GPR55: variants seen among roughly 807,000 people sequenced by gnomAD.
The protein encoded by GPR55 is G protein-coupled receptor 55.
In GPR55, 6 loss-of-function variants were observed where a neutral mutation model predicts 7.9. The ratio of observed to expected loss-of-function variants is 0.76; its 90% CI spans 0.41 to 1.49. The LOEUF (loss-of-function observed/expected upper bound fraction) is 1.49. GPR55 is among the 40% of genes most tolerant of loss of function. The pLI is 0.01. For missense variants in GPR55, 376 were observed against 406.0 expected (o/e 0.93, Z 0.63); for synonymous variants, 183 against 166.8 (o/e 1.10, Z -0.75).
intron 1 of GPR55, among the ~76,000 whole-genome samples, chr2:230,913,014 T>G (rs949843711): frequency 6.6e-6 from 1 of 152,212 alleles, no homozygotes; most frequent in African/African-American, 2.4e-5. Context: ...TCTTTAAAAT[T>G]TGGAAATAAT....
intron 1 of GPR55, among the ~76,000 whole-genome samples, chr2:230,938,034 C>T (rs1310363363): frequency 3.3e-5 from 5 of 151,252 alleles, no homozygotes; most frequent in Non-Finnish European, 7.4e-5. Flanking sequence ...GTGGTGTGCA[C>T]CTGTGGTCCC....
chr2:230,926,308 A>G (rs1407975170), upstream of GPR55, among the ~76,000 whole-genome samples: 2 of 152,178 alleles, frequency 1.3e-5, no homozygotes, highest in African/African-American at 2.4e-5. Context: ...GGCTTGTGCG[A>G]TGGGCAGTGC....
rs140388841 is a variant in GPR55, at chr2:230,945,815, G to A, written c.-135+14960C>T. Among the ~76,000 whole-genome samples, 586 of 152,232 alleles carry A rather than the reference G, an allele frequency of 3.8e-3. 2 individuals are homozygous for A. Among genetic ancestry groups the A allele is most frequent in the African/African-American group, 0.013 (552 of 41,536 alleles). ...TCTCGATCTACTGACCTCGTGATCC[G>A]TCCGCCTCGCCTCCCAAAGTGCTGG... On this transcript the variant is annotated intron_variant, in intron 1 of 1. Coordinates refer to the GPR55 transcript ENST00000392039.
At position 230,907,721 on chromosome 2, in the gene GPR55, G is replaced by C. The variant is rs1992188; in HGVS notation, c.*2282C>G. On this transcript the variant is annotated 3_prime_UTR_variant, in exon 2 of 2. Coordinates refer to ENST00000650999, the MANE Select transcript of GPR55 (RefSeq NM_005683.4). ...TCCCCGTCCCTCCCTACATGATCAG[G>C]TCCTCTCAGCTGTCTAGAGCCCTTT... 6.6e-6 allele frequency: 1 copy of C among 152,116 alleles called. No homozygotes were observed. The highest frequency in any genetic ancestry group is 1.9e-4 in the East Asian group (1 of 5,176). 9.4% of individuals were successfully genotyped at this position (152,116 alleles called of 1,614,324 possible). A position where few individuals can be genotyped will look rare whatever the true frequency, so the allele number is the denominator to read the frequency against.
intron 1 of GPR55, among the ~76,000 whole-genome samples, chr2:230,943,082 A>AGAGAAAGAGAGAGAGAGGG: frequency 7.3e-6 from 1 of 136,714 alleles, no homozygotes; most frequent in African/African-American, 2.6e-5. Context: ...GAGAGAGAGG[A>AGAGAAAGAGAGAGAGAGGG]GAGAAAGAGA....
chr2:230,952,089 AG>A (rs1289967050), intron 1 of GPR55, among the ~76,000 whole-genome samples: 1 of 151,840 alleles, frequency 6.6e-6, no homozygotes, highest in Non-Finnish European at 1.5e-5. Flanking sequence ...TTGGAGAGGG[AG>A]GGGGGGTTAC....
Position 230,944,549 on chromosome 2 carries a change from G to A in GPR55, c.-135+16226C>T, listed in dbSNP as rs1175751784. ...AAGATTTAATTCTCAGAGTGAAAACGAGAATGCCGTGTCTCTGGGAGCCCC... is the reference window on the plus strand; with the variant it reads ...AAGATTTAATTCTCAGAGTGAAAACAAGAATGCCGTGTCTCTGGGAGCCCC... On this transcript the variant is annotated intron_variant, in intron 1 of 1. Transcript: ENST00000392039. This position sits in a 1 kb window ranked among gnomAD's most constrained non-coding sequence, Gnocchi z 4.2. Among the ~76,000 whole-genome samples, 1 of 152,164 alleles carries A rather than the reference G, an allele frequency of 6.6e-6. No homozygotes were observed. The highest frequency in any genetic ancestry group is 1.5e-5 in the Non-Finnish European group (1 of 68,038).
intron 1 of GPR55, among the ~76,000 whole-genome samples, chr2:230,922,306 T>G (rs3098323): frequency 0.51 from 78,152 of 151,852 alleles, 23,222 homozygotes; most frequent in African/African-American, 0.84. Context: ...TGCTTGGGGG[T>G]TTCCGTCTCA....
intron 1 of GPR55, among the ~76,000 whole-genome samples, chr2:230,935,752 A>G (rs1691122892): frequency 6.6e-6 from 1 of 152,244 alleles, no homozygotes; most frequent in African/African-American, 2.4e-5. Context: ...ATCCTTTGTC[A>G]GAAACGCTTG....
intron 1 of GPR55, among the ~76,000 whole-genome samples, chr2:230,945,157 G>A (rs1691290906): frequency 2.0e-5 from 3 of 152,200 alleles, no homozygotes; most frequent in Non-Finnish European, 4.4e-5. Flanking sequence ...GACAGGCTAA[G>A]GTGATCTGCG....
chr2:230,953,935 T>G (rs1275663220), intron 1 of GPR55, among the ~76,000 whole-genome samples: 1 of 152,160 alleles, frequency 6.6e-6, no homozygotes, highest in Non-Finnish European at 1.5e-5. Flanking sequence ...ACCTTCCTGG[T>G]GGGGGATCCC....
At chr2:230,925,732 G>T (rs1055124115), upstream of GPR55, among the ~76,000 whole-genome samples, 1 of 152,174 alleles carries the variant, frequency 6.6e-6, no homozygotes, top group East Asian at 1.9e-4. Context: ...TAGGACTTGC[G>T]TGCCTAGCGT....
rs1025438303 is a variant in GPR55 at position 230,909,846 on chromosome 2, G to T, written c.*157C>A. On this transcript the variant is annotated 3_prime_UTR_variant, in exon 2 of 2. Coordinates refer to ENST00000650999, the MANE Select transcript of GPR55 (RefSeq NM_005683.4). ...TGGGCAGTGGAAAAAAGGTCTTTGGGGTATAATGAGCAAAGCTGGCACTCA... is the reference window on the plus strand; with the variant it reads ...TGGGCAGTGGAAAAAAGGTCTTTGGTGTATAATGAGCAAAGCTGGCACTCA... The T allele has an allele frequency of 4.0e-6, 3 of 744,274 alleles. No individual in the cohort carries two copies. Among genetic ancestry groups the T allele is most frequent in the Admixed American group, 2.6e-5 (1 of 38,126 alleles). The allele number at this position is 744,274 out of a possible 1,614,324, so 46.1% of individuals were successfully genotyped here.
chr2:230,935,570 C>A (rs889674932), intron 1 of GPR55, among the ~76,000 whole-genome samples: 1 of 152,198 alleles, frequency 6.6e-6, no homozygotes, highest in African/African-American at 2.4e-5. Context: ...GATGTCAACA[C>A]ACACACACAA....
chr2:230,938,443 A>G (rs1342373680), intron 1 of GPR55, among the ~76,000 whole-genome samples: 3 of 151,666 alleles, frequency 2.0e-5, no homozygotes, highest in Non-Finnish European at 4.4e-5. Context: ...AGCCATTCCT[A>G]CAGAACCTGG....
intron 1 of GPR55, among the ~76,000 whole-genome samples, chr2:230,951,754 GGGTT>G (rs767592494): frequency 5.3e-5 from 5 of 94,156 alleles, no homozygotes; most frequent in African/African-American, 4.1e-4. Flanking sequence ...GTTGTTATTG[GGGTT>G]TTTTTTTTTT....
At chr2:230,946,350 G>A (rs968043476) in intron 1 of GPR55, among the ~76,000 whole-genome samples, 1 of 152,184 alleles carries the variant, frequency 6.6e-6, no homozygotes, top group Non-Finnish European at 1.5e-5. Flanking sequence ...ATTGCTACAA[G>A]AGTAAATTTG....
rs140113222 is a variant in GPR55, at chr2:230,934,575, C to A, written c.-134-23479G>T. 4.4e-3 allele frequency among the ~76,000 whole-genome samples: 668 copies of A among 152,284 alleles called. 5 individuals carry two copies. The highest frequency in any genetic ancestry group is 0.015 in the African/African-American group (638 of 41,548). ...CTTAGCAAAATGCTTAGAGCCCGGCCGCCTCCCTCCCCGGGGCCCACTCCA... is the reference window on the plus strand; with the variant it reads ...CTTAGCAAAATGCTTAGAGCCCGGCAGCCTCCCTCCCCGGGGCCCACTCCA... On this transcript the variant is annotated intron_variant, in intron 1 of 1. Transcript: ENST00000392039.
chr2:230,930,058 C>G (rs922402423), upstream of GPR55: 12 of 152,368 alleles, frequency 7.9e-5, no homozygotes, highest in African/African-American at 2.2e-4. Context: ...AGGACCCCCC[C>G]GCCTCCCACC....
Sources: allele counts gnomAD v4.1 joint callset (sites outside exome capture counted in the v4.1 genomes callset), GRCh38; gene constraint gnomAD v4.1.1; non-coding constraint Gnocchi (gnomAD v3.1); transcripts MANE v1.5; gene names NCBI Gene and HGNC (gene_info 2026-07-23, HGNC 2026-07-21).